The following CYP4Z1 variants were observed in gnomAD, a reference collection of about 807,000 sequenced individuals.
The protein encoded by CYP4Z1 is cytochrome P450 family 4 subfamily Z member 1.
Under a neutral mutation model 54.2 loss-of-function variants are expected in CYP4Z1, and 41 were observed. That is an observed-to-expected ratio of 0.76 (90% CI 0.59 to 0.98). The LOEUF (loss-of-function observed/expected upper bound fraction) is 0.98. Ranked by LOEUF, CYP4Z1 falls within the 50% of genes least tolerant of loss-of-function variation. The probability of loss-of-function intolerance (pLI) is 0.00; values close to 1 mark genes in which losing one functional copy is unlikely to be tolerated. For synonymous variants in CYP4Z1, 163 were observed against 206.2 expected (o/e 0.79, Z 1.79); for missense variants, 513 against 599.0 (o/e 0.86, Z 1.50).
At chr1:47,062,001 C>T in the CYP4Z1 span, among the ~76,000 whole-genome samples, 1 of 152,254 alleles carries the variant, frequency 6.6e-6, no homozygotes, top group African/African-American at 2.4e-5. Flanking sequence ...GTTAAAAACT[C>T]TAAATAAACT....
At chr1:47,055,710 G>C in the CYP4Z1 span, among the ~76,000 whole-genome samples, 2 of 152,260 alleles carry the variant, frequency 1.3e-5, no homozygotes, top group African/African-American at 4.8e-5. Flanking sequence ...TTTGTGTAGA[G>C]GTGTTTATAG....
At chr1:47,086,065 T>A (rs529544640) in intron 6 of CYP4Z1, among the ~76,000 whole-genome samples, 181 of 152,262 alleles carry the variant, frequency 1.2e-3, no homozygotes, top group South Asian at 7.3e-3. Context: ...GGTGTATATG[T>A]GCCACATTTT....
intron 9 of CYP4Z1, among the ~76,000 whole-genome samples, chr1:47,110,809 T>C (rs997718918): frequency 6.6e-6 from 1 of 151,126 alleles, no homozygotes; most frequent in African/African-American, 2.4e-5. Flanking sequence ...GACCCTATGA[T>C]TGAGGCTTGG....
upstream of CYP4Z1, among the ~76,000 whole-genome samples, chr1:47,062,303 C>G (rs1324711193): frequency 6.6e-6 from 1 of 152,232 alleles, no homozygotes; most frequent in Non-Finnish European, 1.5e-5. Flanking sequence ...ACTCCAAGAA[C>G]CACTGCAGGA....
intron 6 of CYP4Z1, among the ~76,000 whole-genome samples, chr1:47,087,688 C>A (rs368452314): frequency 6.6e-6 from 1 of 152,196 alleles, no homozygotes; most frequent in Admixed American, 6.5e-5. Context: ...CCCTTTATTT[C>A]TTTCTCTTGC....
intron 9 of CYP4Z1, chr1:47,115,309 G>T (rs978884321): frequency 1.8e-5 from 7 of 385,440 alleles, no homozygotes; most frequent in Non-Finnish European, 2.9e-5. Context: ...GGTGGAGGGA[G>T]GGGGGATGGA....
chr1:47,105,933 CA>C lies in CYP4Z1; in HGVS notation c.1068-194del, dbSNP rs1644753750. On this transcript the variant is annotated intron_variant, in intron 8 of 11. Coordinates refer to ENST00000334194, the MANE Select transcript of CYP4Z1 (RefSeq NM_178134.3). ...CCTATATCTGCGGGGGGGGGAGAATCACTTACAGTTACATGTGAAAAGTGGT... is the reference window on the plus strand; with the variant it reads ...CCTATATCTGCGGGGGGGGGAGAATCCTTACAGTTACATGTGAAAAGTGGT... Among the ~76,000 whole-genome samples the C allele has an allele frequency of 3.9e-5, 6 of 152,146 alleles. No individual in the cohort carries two copies. In the South Asian group the frequency reaches 1.2e-3, roughly 32 times the overall value.
intron 8 of CYP4Z1, among the ~76,000 whole-genome samples, chr1:47,103,913 T>C (rs1198697536): frequency 6.6e-6 from 1 of 152,178 alleles, no homozygotes. Flanking sequence ...TTTGCTTCTT[T>C]AGTGTCAATA....
At chr1:47,088,606 T>G (rs1301919101) in intron 6 of CYP4Z1, among the ~76,000 whole-genome samples, 1 of 147,086 alleles carries the variant, frequency 6.8e-6, no homozygotes, top group East Asian at 2.0e-4. Context: ...TCTCCAATTT[T>G]TTTTTGTTTT....
In CYP4Z1 at chr1:47,115,313, G is replaced by C. The variant is rs533956637; in HGVS notation, c.1202-216G>C. ...GCCTGTTGTGGGGTGGAGGGAGGGGGGATGGATAGCATTAGGAGATATACC... is the reference window on the plus strand; with the variant it reads ...GCCTGTTGTGGGGTGGAGGGAGGGGCGATGGATAGCATTAGGAGATATACC... On this transcript the variant is annotated intron_variant, in intron 9 of 11. Coordinates refer to ENST00000334194, the MANE Select transcript of CYP4Z1 (RefSeq NM_178134.3). 3.8e-5 allele frequency: 15 copies of C among 393,980 alleles called. No individual in the cohort carries two copies. The Admixed American group carries it at 5.4e-4, about 14-fold the overall frequency. The allele number at this position is 393,980 out of a possible 1,614,324, so 24.4% of individuals were successfully genotyped here.
intron 9 of CYP4Z1, among the ~76,000 whole-genome samples, chr1:47,109,985 A>C (rs2492594): frequency 6.6e-6 from 1 of 152,150 alleles, no homozygotes; most frequent in Non-Finnish European, 1.5e-5. Flanking sequence ...TTTTCAAATT[A>C]TGTCTTTTTC....
intron 9 of CYP4Z1, among the ~76,000 whole-genome samples, chr1:47,107,534 G>A (rs11211450): frequency 0.43 from 65,310 of 151,548 alleles, 15,396 homozygotes; most frequent in East Asian, 0.96. Context: ...ATAATATTCC[G>A]CCCACCTAGT....
At chr1:47,061,790 A>G in the CYP4Z1 span, among the ~76,000 whole-genome samples, 2 of 152,226 alleles carry the variant, frequency 1.3e-5, no homozygotes, top group Non-Finnish European at 2.9e-5. Flanking sequence ...TCAACAAAAT[A>G]CTTGCAAACC....
chr1:47,118,037 A>C lies in CYP4Z1; in HGVS notation c.*103A>C, dbSNP rs1293196606. 1 of 1,176,846 alleles carries C rather than the reference A, an allele frequency of 8.5e-7. No individual in the cohort carries two copies. Among genetic ancestry groups the C allele is most frequent in the African/African-American group, 1.5e-5 (1 of 64,582 alleles). The allele number at this position is 1,176,846 out of a possible 1,614,324, so 72.9% of individuals were successfully genotyped here. On this transcript the variant is annotated 3_prime_UTR_variant, in exon 12 of 12. Coordinates refer to ENST00000334194, the MANE Select transcript of CYP4Z1 (RefSeq NM_178134.3). The stretch of plus-strand genomic sequence containing the variant: ...AATATATGTATATGGTTGTTTGACA[A>C]ATTATATAACTTAGGATACTTCTGA...
rs555103429 is a variant in CYP4Z1 at position 47,095,303 on chromosome 1, G to A, written c.876+634G>A. Among the ~76,000 whole-genome samples the A allele has an allele frequency of 9.9e-5, 15 of 151,600 alleles. No individual in the cohort carries two copies. The South Asian group carries it at 3.1e-3, about 31-fold the overall frequency. Reference sequence around the variant, plus strand: ...CAACATATCCCTCGGTGTTTCATTTGCAATTAAAGTTTGAAAAACCCCATC... The same window carrying A: ...CAACATATCCCTCGGTGTTTCATTTACAATTAAAGTTTGAAAAACCCCATC... On this transcript the variant is annotated intron_variant, in intron 7 of 11. Transcript: ENST00000334194.
rs529063431 is a variant in CYP4Z1, at chr1:47,111,640, G to A, written c.1202-3889G>A. 3.2e-4 allele frequency among the ~76,000 whole-genome samples: 49 copies of A among 152,218 alleles called. 1 individual carries two copies. In the South Asian group the frequency reaches 7.5e-3, roughly 23 times the overall value. On this transcript the variant is annotated intron_variant, in intron 9 of 11. Transcript: ENST00000334194. ...GTAATTAATAAGATAGACTTTATGCGTACAATATTAAACTTTTTCCCCACT... is the reference window on the plus strand; with the variant it reads ...GTAATTAATAAGATAGACTTTATGCATACAATATTAAACTTTTTCCCCACT...
In CYP4Z1 at chr1:47,105,765, C is replaced by T. The variant is rs1366044812; in HGVS notation, c.1068-363C>T. Reference sequence around the variant, plus strand: ...CACATCCCTATTTTATATTTTTTTACAATTCTAAAGAGGCAGAAATACTTA... The same window carrying T: ...CACATCCCTATTTTATATTTTTTTATAATTCTAAAGAGGCAGAAATACTTA... On this transcript the variant is annotated intron_variant, in intron 8 of 11. Transcript: ENST00000334194. Among the ~76,000 whole-genome samples, 4 of 152,240 alleles carry T rather than the reference C, an allele frequency of 2.6e-5. No homozygotes were observed. In the East Asian group the frequency reaches 5.8e-4, roughly 22 times the overall value.
At chr1:47,103,967 G>C (rs1462778395) in intron 8 of CYP4Z1, among the ~76,000 whole-genome samples, 2 of 152,032 alleles carry the variant, frequency 1.3e-5, no homozygotes, top group Non-Finnish European at 2.9e-5. Flanking sequence ...CTTTTTGATT[G>C]GGATATGTTG....
In CYP4Z1 at chr1:47,117,925, A is replaced by C; in HGVS notation, c.1509A>C (p.Lys503Asn). 1 of 1,612,812 alleles carries C rather than the reference A, an allele frequency of 6.2e-7. No individual in the cohort carries two copies. The highest frequency in any genetic ancestry group is 8.5e-7 in the Non-Finnish European group (1 of 1,179,504). Residue 503 changes from lysine (K) to asparagine (N), a missense_variant, in exon 12 of 12, where the codon AAA (lysine) becomes AAC (asparagine). Coordinates refer to ENST00000334194, the MANE Select transcript of CYP4Z1 (RefSeq NM_178134.3). The stretch of plus-strand genomic sequence containing the variant: ...ATGGAATCCATGTGTTTGCAAAAAA[A>C]GTTTGCTAATTTTAAGTCCTTTCGT... ...SKNGIHVFAK[K>N]VC
Sources: allele counts gnomAD v4.1 joint callset (sites outside exome capture counted in the v4.1 genomes callset), GRCh38; gene constraint gnomAD v4.1.1; transcripts MANE v1.5; gene names NCBI Gene and HGNC (gene_info 2026-07-23, HGNC 2026-07-21).